PAPSS1: variants seen among roughly 807,000 people sequenced by gnomAD.
PAPSS1 encodes the protein bifunctional 3'-phosphoadenosine 5'-phosphosulfate synthase 1.
In PAPSS1, 50 loss-of-function variants were observed where a neutral mutation model predicts 72.0. The observed-to-expected ratio is 0.69, with a 90% CI of 0.55 to 0.88. PAPSS1 has a LOEUF of 0.88. Among genes scored for constraint, PAPSS1 ranks in the 40% least tolerant of loss-of-function variants. PAPSS1 has a pLI of 0.00. For missense variants in PAPSS1, 657 were observed against 782.2 expected, an observed-to-expected ratio of 0.84 and a Z score of 1.91; for synonymous variants, 261 against 263.6, an observed-to-expected ratio of 0.99 and a Z score of 0.09.
intron 9 of PAPSS1, among the ~76,000 whole-genome samples, chr4:107,645,322 A>T (rs918265652): frequency 6.6e-6 from 1 of 152,190 alleles, no homozygotes; most frequent in Middle Eastern, 3.4e-3. Context: ...ACAATCATGG[A>T]TTTATAAGAA....
chr4:107,692,640 T>G (rs1303264992), intron 3 of PAPSS1, among the ~76,000 whole-genome samples: 7 of 152,164 alleles, frequency 4.6e-5, no homozygotes, highest in Non-Finnish European at 7.3e-5. Context: ...ACTGAGTATA[T>G]ACCCAAATGA....
At chr4:107,653,972 T>C (rs530585651) in intron 8 of PAPSS1, among the ~76,000 whole-genome samples, 127 of 152,338 alleles carry the variant, frequency 8.3e-4, no homozygotes, top group Admixed American at 1.7e-3. Context: ...TCTCCAATCC[T>C]AACCTTTTGA....
intron 6 of PAPSS1, among the ~76,000 whole-genome samples, chr4:107,659,702 T>G (rs761808744): frequency 4.6e-5 from 7 of 152,208 alleles, no homozygotes; most frequent in Admixed American, 4.6e-4. Flanking sequence ...AAGGATCTCA[T>G]GTAATATTTG....
chr4:107,712,407 C>G (rs996894643), intron 1 of PAPSS1, among the ~76,000 whole-genome samples: 1 of 152,240 alleles, frequency 6.6e-6, no homozygotes, highest in Non-Finnish European at 1.5e-5. Flanking sequence ...ACCACACATA[C>G]AAGGGAGGTT....
chr4:107,692,488 GA>G (rs1231167196), intron 3 of PAPSS1, among the ~76,000 whole-genome samples: 1 of 152,182 alleles, frequency 6.6e-6, no homozygotes, highest in African/African-American at 2.4e-5. Flanking sequence ...GGAAACAATA[GA>G]TGCTGGTGAG....
chr4:107,659,941 A>G lies in PAPSS1; in HGVS notation c.783+18T>C. 2.2e-6 allele frequency: 3 copies of G among 1,354,606 alleles called. No homozygotes were observed. Among genetic ancestry groups the G allele is most frequent in the Non-Finnish European group, 3.2e-6 (3 of 948,268 alleles). The allele number at this position is 1,354,606 out of a possible 1,614,324, so 83.9% of individuals were successfully genotyped here. A position where few individuals can be genotyped will look rare whatever the true frequency, so the allele number is the denominator to read the frequency against. Reference sequence around the variant, plus strand: ...ATAAGGCTGTATCACTTAGTGTGAAAAGCAACGAAGAACTTACTTTATTAA... The same window carrying G: ...ATAAGGCTGTATCACTTAGTGTGAAGAGCAACGAAGAACTTACTTTATTAA... On this transcript the variant is annotated intron_variant, in intron 6 of 11. Coordinates refer to ENST00000265174, the MANE Select transcript of PAPSS1 (RefSeq NM_005443.5).
chr4:107,678,890 CTCTGTTTCTGGGTGAGGG>C (rs1727730628), intron 5 of PAPSS1, among the ~76,000 whole-genome samples: 1 of 152,106 alleles, frequency 6.6e-6, no homozygotes, highest in African/African-American at 2.4e-5. Context: ...TCCCAGGGTC[CTCTGTTTCTGGGTGAGGG>C]GTGGAAGCAA....
chr4:107,675,751 A>G (rs2110332646), intron 5 of PAPSS1, among the ~76,000 whole-genome samples: 1 of 152,330 alleles, frequency 6.6e-6, no homozygotes, highest in African/African-American at 2.4e-5. Flanking sequence ...TTTTAGACCA[A>G]TATCCCTGGT....
intron 5 of PAPSS1, among the ~76,000 whole-genome samples, chr4:107,669,830 C>A (rs942695178): frequency 3.9e-5 from 6 of 152,174 alleles, no homozygotes; most frequent in African/African-American, 9.7e-5. Context: ...ATGAACATAA[C>A]CAGAATCCCT....
chr4:107,712,227 G>A (rs1723512966), intron 1 of PAPSS1, among the ~76,000 whole-genome samples: 3 of 152,174 alleles, frequency 2.0e-5, no homozygotes, highest in Non-Finnish European at 4.4e-5. Flanking sequence ...GTCAGAATGG[G>A]CCTGGGACTA....
chr4:107,620,156 A>G lies in PAPSS1; in HGVS notation c.1737-5769T>C, dbSNP rs186102937. Reference sequence around the variant, plus strand: ...CATATTCGATTAGACCAGCTTTTTAAAAGTGCTAACTAGGCAACAAGCAAT... The same window carrying G: ...CATATTCGATTAGACCAGCTTTTTAGAAGTGCTAACTAGGCAACAAGCAAT... On this transcript the variant is annotated intron_variant, in intron 11 of 11. Coordinates refer to ENST00000265174, the MANE Select transcript of PAPSS1 (RefSeq NM_005443.5). Among the ~76,000 whole-genome samples, 39 of 152,348 alleles carry G rather than the reference A, an allele frequency of 2.6e-4. No individual in the cohort carries two copies. The East Asian group carries it at 7.3e-3, about 29-fold the overall frequency.
intron 1 of PAPSS1, among the ~76,000 whole-genome samples, chr4:107,707,378 A>T (rs79670408): frequency 6.6e-6 from 1 of 152,150 alleles, no homozygotes; most frequent in African/African-American, 2.4e-5. Context: ...ACTTGCATCA[A>T]TTGGGTCTGG....
At chr4:107,621,606 A>ATTTTTTTTTTTTTTTT (rs1382723816) in intron 11 of PAPSS1, among the ~76,000 whole-genome samples, 2 of 50,510 alleles carry the variant, frequency 4.0e-5, no homozygotes, top group African/African-American at 7.1e-5. Flanking sequence ...CAGGTTTTTT[A>ATTTTTTTTTTTTTTTT]TCTTTTTTTT....
At chr4:107,670,188 A>C (rs141060947) in intron 5 of PAPSS1, among the ~76,000 whole-genome samples, 3 of 152,226 alleles carry the variant, frequency 2.0e-5, no homozygotes, top group East Asian at 1.9e-4. Context: ...CCTTATAATA[A>C]GGACTCAGCA....
At chr4:107,717,301 C>T (rs1392607750) in intron 1 of PAPSS1, among the ~76,000 whole-genome samples, 1 of 148,014 alleles carries the variant, frequency 6.8e-6, no homozygotes, top group Non-Finnish European at 1.5e-5. Flanking sequence ...ACTATCTCTA[C>T]TAAGGCTGTC....
At chr4:107,669,099 T>A (rs1467325299) in intron 5 of PAPSS1, among the ~76,000 whole-genome samples, 1 of 152,210 alleles carries the variant, frequency 6.6e-6, no homozygotes, top group Non-Finnish European at 1.5e-5. Context: ...TTGGAAAACC[T>A]AACAAATGTC....
intron 3 of PAPSS1, 102 bp downstream of exon 3, chr4:107,693,669 G>A (rs1722998177): frequency 1.3e-6 from 1 of 763,004 alleles, no homozygotes. Flanking sequence ...GAGGAGTAGA[G>A]TTAGCCTCAA....
intron 1 of PAPSS1, among the ~76,000 whole-genome samples, chr4:107,714,984 G>A (rs1212636440): frequency 6.6e-6 from 1 of 151,878 alleles, no homozygotes; most frequent in African/African-American, 2.4e-5. Flanking sequence ...CTGTTCTTGG[G>A]AACAGAGTAA....
intron 2 of PAPSS1, among the ~76,000 whole-genome samples, chr4:107,700,792 T>C (rs1294370876): frequency 6.6e-6 from 1 of 152,180 alleles, no homozygotes; most frequent in Non-Finnish European, 1.5e-5. Flanking sequence ...GAAATAAATT[T>C]CTATTCATAT....
Sources: allele counts gnomAD v4.1 joint callset (sites outside exome capture counted in the v4.1 genomes callset), GRCh38; gene constraint gnomAD v4.1.1; transcripts MANE v1.5; gene names NCBI Gene and HGNC (gene_info 2026-07-23, HGNC 2026-07-21).